NLRP6: variants seen among roughly 807,000 people sequenced by gnomAD.
NLRP6 encodes NACHT, LRR and PYD domains-containing protein 6.
In NLRP6, 55 loss-of-function variants were observed where a neutral mutation model predicts 70.9. The ratio of observed to expected loss-of-function variants is 0.78; its 90% confidence interval spans 0.62 to 0.97. The LOEUF (loss-of-function observed/expected upper bound fraction) is 0.97, where lower values mean the gene tolerates loss of function less well. Ranked by LOEUF, NLRP6 falls within the 50% of genes least tolerant of loss-of-function variation. The pLI is 0.00. For synonymous variants in NLRP6, 652 were observed against 581.9 expected (o/e 1.12, Z -1.73); for missense variants, 1,241 against 1,238.3 (o/e 1.00, Z -0.03).
rs1845458282 is a variant in NLRP6, at chr11:280,625, C to A, written c.891C>A (p.Asp297Glu). ...GCCCCGAGGCCGCGCCCTGCACAGA[C>A]CCCTTCGAGGCGGCGAGCGGCGCGC... ...LGGPEAAPCT[D>E]PFEAASGARV... The change falls in exon 4 of 8, where the codon GAC (aspartate) becomes GAA (glutamate). Residue 297 changes from aspartate (D) to glutamate (E), a missense_variant. By Grantham distance (45) the Asp-to-Glu change is conservative. Transcript: ENST00000534750. 8.7e-6 allele frequency: 13 copies of A among 1,497,854 alleles called. No individual in the cohort carries two copies. Among genetic ancestry groups the A allele is most frequent in the African/African-American group, 4.4e-5 (3 of 68,834 alleles). The allele number at this position is 1,497,854 out of a possible 1,614,324, so 92.8% of individuals were successfully genotyped here.
intron 3 of NLRP6, 98 bp from the exon 4 acceptor site, chr11:279,986 T>C: frequency 9.2e-6 from 13 of 1,410,664 alleles, no homozygotes; most frequent in Non-Finnish European, 1.2e-5. Flanking sequence ...TAGAGGAAAC[T>C]GAGGCCTGAG....
Position 281,114 on chromosome 11 carries a change from T to C in NLRP6, c.1380T>C (p.Phe460=). 6.2e-7 allele frequency: 1 copy of C among 1,612,810 alleles called. No homozygotes were observed. ...GCGTCCTCGGACGCAGGGCGCAGTTTGCCGAGAAGGAACTGGAGCAACTGG... is the reference window on the plus strand; with the variant it reads ...GCGTCCTCGGACGCAGGGCGCAGTTCGCCGAGAAGGAACTGGAGCAACTGG... ...REGVLGRRAQ[F]AEKELEQLEL... The change falls in exon 4 of 8, where the codon TTT becomes TTC. Residue 460 remains phenylalanine, a synonymous_variant. Coordinates refer to ENST00000534750, the MANE Select transcript of NLRP6 (RefSeq NM_001276700.2).
Position 285,354 on chromosome 11 carries a change from G to C in NLRP6, c.*50G>C. 1 of 1,582,406 alleles carries C rather than the reference G, an allele frequency of 6.3e-7. No homozygotes were observed. The highest frequency in any genetic ancestry group is 8.6e-7 in the Non-Finnish European group (1 of 1,160,500). Reference sequence around the variant, plus strand: ...GAAGACCCTAGTCAAAGTCCCTGTGGAGAGAACGGCCCATTCCAAGGGCAG... The same window carrying C: ...GAAGACCCTAGTCAAAGTCCCTGTGCAGAGAACGGCCCATTCCAAGGGCAG... On this transcript the variant is annotated 3_prime_UTR_variant, in exon 8 of 8. Transcript: ENST00000534750.
In NLRP6 at chr11:281,211, G is replaced by T. The variant is rs537029538; in HGVS notation, c.1477G>T (p.Val493Phe). 3 of 1,613,218 alleles carry T rather than the reference G, an allele frequency of 1.9e-6. No homozygotes were observed. Among genetic ancestry groups the T allele is most frequent in the East Asian group, 4.5e-5 (2 of 44,882 alleles). Residue 493 changes from valine (V) to phenylalanine (F), a missense_variant, in exon 4 of 8, where the codon GTC (valine) becomes TTC (phenylalanine). By Grantham distance (50) the Val-to-Phe change is conservative. Transcript: ENST00000534750. ...GCTGCCGGGCGTGCTGGAGACAGAG[G>T]TCACCTACCAGTTCATCGACCAGAG... The part of the protein sequence containing the change: ...KELPGVLETE[V>F]TYQFIDQSFQ...
Position 281,718 on chromosome 11 carries a change from T to A in NLRP6, c.1984T>A (p.Cys662Ser). ...CRMDVAVLSY[C>S]VRCCPAGQAL... is the part of the protein sequence containing the mutation. ...CATGGACGTGGCTGTTCTGAGCTAC[T>A]GCGTGAGGTGCTGCCCTGCTGGACA... Residue 662 changes from cysteine to serine, a missense_variant, in exon 4 of 8, where the codon TGC becomes AGC. Cys to Ser is a moderately radical substitution (Grantham distance 112, BLOSUM62 -1). Coordinates refer to ENST00000534750, the MANE Select transcript of NLRP6 (RefSeq NM_001276700.2). 1.2e-6 allele frequency: 2 copies of A among 1,613,330 alleles called. No homozygotes were observed. The highest frequency in any genetic ancestry group is 1.7e-6 in the Non-Finnish European group (2 of 1,180,028).
chr11:279,272 G>A lies in NLRP6; in HGVS notation c.30-55G>A, dbSNP rs1020109173. ...GTTCTCCGGCGCCAGAGTCGGGGGC[G>A]GGCGGGGGTCACCCGAGGGCCGCTC... is the stretch of plus-strand genomic sequence containing the variant. On this transcript the variant is annotated intron_variant, in intron 1 of 7. Coordinates refer to ENST00000534750, the MANE Select transcript of NLRP6 (RefSeq NM_001276700.2). 8.2e-6 allele frequency: 10 copies of A among 1,214,972 alleles called. No homozygotes were observed. In the Admixed American group the frequency reaches 1.7e-4, roughly 21 times the overall value. The allele number at this position is 1,214,972 out of a possible 1,614,324, so 75.3% of individuals were successfully genotyped here.
intron 1 of NLRP6, 75 bp from the exon 2 acceptor site, chr11:279,252 C>A: frequency 8.4e-7 from 1 of 1,185,684 alleles, no homozygotes; most frequent in Non-Finnish European, 1.1e-6. Flanking sequence ...GGTGGGTTCT[C>A]CGGCGCCAGA....
Position 279,104 on chromosome 11 carries a change from G to C in NLRP6, c.30-223G>C. On this transcript the variant is annotated intron_variant, in intron 1 of 7. Coordinates refer to ENST00000534750, the MANE Select transcript of NLRP6 (RefSeq NM_001276700.2). ...CCAGTGCCCACTTCACCCTCAGAGGGCGAAGAACACCAAGACGCCCCGACC... is the reference window on the plus strand; with the variant it reads ...CCAGTGCCCACTTCACCCTCAGAGGCCGAAGAACACCAAGACGCCCCGACC... 3 of 395,448 alleles carry C rather than the reference G, an allele frequency of 7.6e-6. 1 individual carries two copies. Among genetic ancestry groups the C allele is most frequent in the Non-Finnish European group, 1.3e-5 (3 of 227,910 alleles). The allele number at this position is 395,448 out of a possible 1,614,324, so 24.5% of individuals were successfully genotyped here. A position where few individuals can be genotyped will look rare whatever the true frequency, so the allele number is the denominator to read the frequency against.
In NLRP6 at chr11:279,328, A is replaced by G; in HGVS notation, c.31A>G (p.Thr11Ala). The change falls in exon 2 of 8, where the codon ACG becomes GCG. Residue 11 changes from threonine to alanine, a missense_variant and splice_region_variant. Thr to Ala is a moderately conservative substitution (Grantham distance 58). Coordinates refer to ENST00000534750, the MANE Select transcript of NLRP6 (RefSeq NM_001276700.2). Reference protein sequence around the residue: MDQPEAPCSSTGPRLAVAREL... With the variant: MDQPEAPCSSAGPRLAVAREL... ...TGACCCGCGCCCGCCCGCCTCCAGC[A>G]CGGGGCCGCGCCTCGCGGTGGCCCG... The G allele has an allele frequency of 7.9e-7, 1 of 1,263,594 alleles. No homozygotes were observed. The highest frequency in any genetic ancestry group is 1.0e-6 in the Non-Finnish European group (1 of 1,003,558). 78.3% of individuals were successfully genotyped at this position (1,263,594 alleles called of 1,614,324 possible).
In NLRP6 at chr11:281,657, C is replaced by T; in HGVS notation, c.1923C>T (p.Phe641=). 1.9e-6 allele frequency: 3 copies of T among 1,613,410 alleles called. No individual in the cohort carries two copies. Among genetic ancestry groups the T allele is most frequent in the Non-Finnish European group, 2.5e-6 (3 of 1,180,002 alleles). ...DAFVRQALCR[F]PELALQRVRF... The stretch of plus-strand genomic sequence containing the variant: ...TTGTGCGCCAAGCCCTGTGCCGGTT[C>T]CCGGAGCTGGCGCTGCAGCGAGTGC... Residue 641 remains phenylalanine (F), a synonymous_variant, in exon 4 of 8, where the codon TTC becomes TTT. Transcript: ENST00000534750.
At position 280,133 on chromosome 11, in the gene NLRP6, GA is replaced by G; in HGVS notation, c.401del (p.Lys134ArgfsTer8). 1 of 1,543,302 alleles carries G rather than the reference GA, an allele frequency of 6.5e-7. No individual in the cohort carries two copies. The stretch of plus-strand genomic sequence containing the variant: ...ACGTGCTGCAGCTGCACGCTCGGGT[GA>G]AGGAGAGGAACGCCCGCTCCGTGAA... ...EHVLQLHARV[K>X]ERNARSVKIT... On this transcript the variant is annotated frameshift_variant, in exon 4 of 8. Coordinates refer to ENST00000534750, the MANE Select transcript of NLRP6 (RefSeq NM_001276700.2). LOFTEE classifies it high-confidence loss of function.
Position 280,077 on chromosome 11 carries a change from C to T in NLRP6, c.350-7C>T, listed in dbSNP as rs1308953633. 1.4e-6 allele frequency: 2 copies of T among 1,471,598 alleles called. No homozygotes were observed. Among genetic ancestry groups the T allele is most frequent in the Non-Finnish European group, 1.8e-6 (2 of 1,112,082 alleles). The allele number at this position is 1,471,598 out of a possible 1,614,324, so 91.2% of individuals were successfully genotyped here. On this transcript the variant is annotated splice_polypyrimidine_tract_variant and splice_region_variant and intron_variant, in intron 3 of 7. Transcript: ENST00000534750. ...CTTGTCCCCGCGCTGTCTCCCGCTG[C>T]GCCCAGAGTACAAGAAGAAGTACCG... is the stretch of plus-strand genomic sequence containing the variant.
chr11:279,219 G>A (rs901346237), intron 1 of NLRP6, 108 bp from the exon 2 acceptor site: 6 of 962,636 alleles, frequency 6.2e-6, no homozygotes, highest in Admixed American at 4.4e-5. Context: ...GCTTGGCCCG[G>A]GACTCCCTGA....
chr11:281,932 A>C, intron 4 of NLRP6, 93 bp downstream of exon 4: 1 of 1,184,728 alleles, frequency 8.4e-7, no homozygotes, highest in South Asian at 1.5e-5. Flanking sequence ...CATGGGGCGC[A>C]CCTCCAGACC....
Position 284,485 on chromosome 11 carries a change from C to T in NLRP6, c.2380C>T (p.Pro794Ser), listed in dbSNP as rs767191191. Residue 794 changes from proline to serine, a missense_variant, in exon 7 of 8, where the codon CCT (proline) becomes TCT (serine). Physicochemically the swap from Pro to Ser is moderately conservative, Grantham distance 74. Coordinates refer to ENST00000534750, the MANE Select transcript of NLRP6 (RefSeq NM_001276700.2). ...TCGGCCCTCCCACAGGGTACAGCTG[C>T]CTGACCCCCAGCGAGGGCTCCAGTA... ...CRVQTVRVQLPDPQRGLQYLV... is the reference protein window; with the variant it reads ...CRVQTVRVQLSDPQRGLQYLV... 2 of 1,612,850 alleles carry T rather than the reference C, an allele frequency of 1.2e-6. No individual in the cohort carries two copies. The highest frequency in any genetic ancestry group is 1.7e-6 in the Non-Finnish European group (2 of 1,179,774).
At chr11:283,527 A>G (rs1381421567) in intron 5 of NLRP6, among the ~76,000 whole-genome samples, 1 of 151,936 alleles carries the variant, frequency 6.6e-6, no homozygotes, top group Non-Finnish European at 1.5e-5. Flanking sequence ...GTTAGCCAGG[A>G]TAGTCTCGAT....
Position 280,077 on chromosome 11 carries a change from C to A in NLRP6, c.350-7C>A. 2.0e-6 allele frequency: 3 copies of A among 1,471,716 alleles called. No homozygotes were observed. Among genetic ancestry groups the A allele is most frequent in the Non-Finnish European group, 2.7e-6 (3 of 1,112,074 alleles). 91.2% of individuals were successfully genotyped at this position (1,471,716 alleles called of 1,614,324 possible). On this transcript the variant is annotated splice_polypyrimidine_tract_variant and splice_region_variant and intron_variant, in intron 3 of 7. Coordinates refer to ENST00000534750, the MANE Select transcript of NLRP6 (RefSeq NM_001276700.2). ...CTTGTCCCCGCGCTGTCTCCCGCTG[C>A]GCCCAGAGTACAAGAAGAAGTACCG...
chr11:285,312 G>A lies in NLRP6; in HGVS notation c.*8G>A, dbSNP rs767102299. On this transcript the variant is annotated 3_prime_UTR_variant, in exon 8 of 8. Coordinates refer to ENST00000534750, the MANE Select transcript of NLRP6 (RefSeq NM_001276700.2). ...CTCATCTCGACCTTCTGAGGCTCTG[G>A]TGGCCAGAGCAGGGTGGAAGACCCT... 6.2e-6 allele frequency: 10 copies of A among 1,606,642 alleles called. No homozygotes were observed. Among genetic ancestry groups the A allele is most frequent in the African/African-American group, 1.3e-5 (1 of 74,816 alleles).
Position 279,857 on chromosome 11 carries a change from C to T in NLRP6, c.334C>T (p.Leu112=), listed in dbSNP as rs1026191920. Residue 112 remains leucine, a synonymous_variant, in exon 3 of 8, where the codon CTG becomes TTG. Coordinates refer to ENST00000534750, the MANE Select transcript of NLRP6 (RefSeq NM_001276700.2). ...LQRLGLGSGT[L]LSVSEYKKKY... is the part of the protein sequence containing the mutation. Reference sequence around the variant, plus strand: ...AGGGCTCGGGCTCGGCTCCGGGACGCTGCTCTCCGTGTCCGGTGGGTCTCT... The same window carrying T: ...AGGGCTCGGGCTCGGCTCCGGGACGTTGCTCTCCGTGTCCGGTGGGTCTCT... The T allele has an allele frequency of 1.9e-6, 3 of 1,558,884 alleles. No homozygotes were observed. Among genetic ancestry groups the T allele is most frequent in the Admixed American group, 1.9e-5 (1 of 51,330 alleles).
Sources: gnomAD v4.1 joint callset for allele counts (sites outside exome capture counted in the v4.1 genomes callset) on GRCh38, gnomAD v4.1.1 for gene constraint, MANE v1.5 for transcripts, NCBI Gene and HGNC (gene_info 2026-07-23, HGNC 2026-07-21) for gene names.